UBE2E2: variants seen among roughly 807,000 people sequenced by gnomAD.
The protein encoded by UBE2E2 is ubiquitin conjugating enzyme E2 E2.
Under a neutral mutation model 24.7 loss-of-function variants are expected in UBE2E2, and 6 were observed. The observed-to-expected ratio is 0.24, with a 90% CI of 0.13 to 0.48. UBE2E2 has a LOEUF of 0.48. Ranked by LOEUF, UBE2E2 falls within the 20% of genes least tolerant of loss-of-function variation. The probability of loss-of-function intolerance (pLI) is 0.99; values close to 1 mark genes in which losing one functional copy is unlikely to be tolerated. For synonymous variants in UBE2E2, 104 were observed against 83.6 expected (o/e 1.24, Z -1.33); for missense variants, 169 against 245.0 (o/e 0.69, Z 2.07).
At chr3:23,357,413 G>C (rs556640489) in intron 3 of UBE2E2, among the ~76,000 whole-genome samples, 1 of 152,250 alleles carries the variant, frequency 6.6e-6, no homozygotes, top group Non-Finnish European at 1.5e-5. Context: ...GTGTGTGTGA[G>C]TGTGTATATG....
chr3:23,436,224 C>T (rs1191747993), intron 3 of UBE2E2, among the ~76,000 whole-genome samples: 2 of 151,998 alleles, frequency 1.3e-5, no homozygotes, highest in Admixed American at 6.6e-5. Flanking sequence ...GGTGTCAAAG[C>T]GGCACATGAT....
chr3:23,560,637 G>C (rs1246718272), intron 5 of UBE2E2, among the ~76,000 whole-genome samples: 1 of 151,934 alleles, frequency 6.6e-6, no homozygotes, highest in African/African-American at 2.4e-5. Context: ...TTGAGGAATC[G>C]CCACACTGAC....
intron 3 of UBE2E2, among the ~76,000 whole-genome samples, chr3:23,408,017 A>G (rs1048928613): frequency 3.3e-5 from 5 of 152,118 alleles, no homozygotes; most frequent in Non-Finnish European, 7.4e-5. Flanking sequence ...TAAAAAATAC[A>G]ATGTCACTGA....
At chr3:23,365,507 C>G (rs894943043) in intron 3 of UBE2E2, among the ~76,000 whole-genome samples, 1 of 152,108 alleles carries the variant, frequency 6.6e-6, no homozygotes, top group Non-Finnish European at 1.5e-5. Context: ...AGAACACAAT[C>G]GCATTCACAA....
chr3:23,221,068 C>T (rs2201484), intron 3 of UBE2E2, among the ~76,000 whole-genome samples: 23,919 of 152,086 alleles, frequency 0.16, 2,001 homozygotes, highest in South Asian at 0.22. Context: ...ATTAGGTTTA[C>T]GAGCAGGGGA....
At chr3:23,268,392 A>G (rs1698119552) in intron 3 of UBE2E2, among the ~76,000 whole-genome samples, 1 of 152,072 alleles carries the variant, frequency 6.6e-6, no homozygotes, top group Non-Finnish European at 1.5e-5. Flanking sequence ...AAAAATCACA[A>G]GCATTCTTAT....
rs941176886 is a variant in UBE2E2 at position 23,372,037 on chromosome 3, G to A, written c.228-127571G>A. ...GGAGGCTGAGGCAGGAGAATCGCTT[G>A]AACCCTGGAAATGGAGGTTGCAGTG... is the stretch of plus-strand genomic sequence containing the variant. On this transcript the variant is annotated intron_variant, in intron 3 of 5. Transcript: ENST00000396703. 2.6e-5 allele frequency among the ~76,000 whole-genome samples: 4 copies of A among 152,186 alleles called. No individual in the cohort carries two copies. In the East Asian group the frequency reaches 7.7e-4, roughly 29 times the overall value.
chr3:23,360,015 G>T (rs536135927), intron 3 of UBE2E2, among the ~76,000 whole-genome samples: 3 of 152,102 alleles, frequency 2.0e-5, no homozygotes, highest in Non-Finnish European at 2.9e-5. Context: ...CAGTGTTCAG[G>T]TTAGTGGTTT....
At chr3:23,225,309 TAA>T (rs1696788947) in intron 3 of UBE2E2, among the ~76,000 whole-genome samples, 1 of 152,136 alleles carries the variant, frequency 6.6e-6, no homozygotes, top group Non-Finnish European at 1.5e-5. Context: ...TTGTGAAGTC[TAA>T]ATATCTGTTT....
chr3:23,273,963 C>T (rs999137944), intron 3 of UBE2E2: 14 of 152,282 alleles, frequency 9.2e-5, no homozygotes, highest in Middle Eastern at 3.4e-3. Flanking sequence ...TGTTAACAAA[C>T]TTGATTCTTC....
chr3:23,431,842 A>C (rs1264732777), intron 3 of UBE2E2, among the ~76,000 whole-genome samples: 1 of 152,210 alleles, frequency 6.6e-6, no homozygotes, highest in African/African-American at 2.4e-5. Flanking sequence ...TAGGGGTTAA[A>C]ATTAATTCAA....
At chr3:23,229,721 G>A (rs1696923943) in intron 3 of UBE2E2, among the ~76,000 whole-genome samples, 1 of 152,194 alleles carries the variant, frequency 6.6e-6, no homozygotes, top group Admixed American at 6.5e-5. Context: ...CACTGTCCCA[G>A]TAGGACTTTC....
chr3:23,315,574 G>A lies in UBE2E2; in HGVS notation c.227+98262G>A, dbSNP rs148009020. 7.2e-5 allele frequency among the ~76,000 whole-genome samples: 11 copies of A among 152,102 alleles called. No individual in the cohort carries two copies. The East Asian group carries it at 1.4e-3, about 19-fold the overall frequency. On this transcript the variant is annotated intron_variant, in intron 3 of 5. Coordinates refer to ENST00000396703, the MANE Select transcript of UBE2E2 (RefSeq NM_152653.4). ...AATTTTAAATTCTTTTGTATGAATC[G>A]TTGCATAACTCTGCCTCTCCGAGAT...
intron 3 of UBE2E2, among the ~76,000 whole-genome samples, chr3:23,312,535 C>T (rs1694439722): frequency 6.6e-6 from 1 of 152,068 alleles, no homozygotes; most frequent in Admixed American, 6.5e-5. Flanking sequence ...CTACCCTTCC[C>T]AGCCTCTGGT....
chr3:23,421,673 T>G (rs925845832), intron 3 of UBE2E2, among the ~76,000 whole-genome samples: 1 of 152,218 alleles, frequency 6.6e-6, no homozygotes, highest in Non-Finnish European at 1.5e-5. Context: ...CTCAAAGTGC[T>G]GGGATTACAG....
chr3:23,358,495 C>G (rs757584651), intron 3 of UBE2E2, among the ~76,000 whole-genome samples: 1 of 152,082 alleles, frequency 6.6e-6, no homozygotes, highest in African/African-American at 2.4e-5. Context: ...AAATTAGTTT[C>G]TAACAGCTGC....
At chr3:23,458,215 T>C (rs542241594) in intron 3 of UBE2E2, among the ~76,000 whole-genome samples, 3 of 152,080 alleles carry the variant, frequency 2.0e-5, no homozygotes, top group South Asian at 4.2e-4. Flanking sequence ...ATTTCAGTAT[T>C]GTTGCGTCGC....
intron 3 of UBE2E2, among the ~76,000 whole-genome samples, chr3:23,217,570 G>A (rs1696511671): frequency 6.6e-6 from 1 of 151,964 alleles, no homozygotes; most frequent in Non-Finnish European, 1.5e-5. Context: ...TGAAATTATA[G>A]GGTAACAAAT....
At chr3:23,371,683 G>A (rs1176288439) in intron 3 of UBE2E2, among the ~76,000 whole-genome samples, 1 of 152,178 alleles carries the variant, frequency 6.6e-6, no homozygotes, top group African/African-American at 2.4e-5. Context: ...AAAATTTGAA[G>A]TTAATTGAGA....
Sources: gnomAD v4.1 joint callset for allele counts (sites outside exome capture counted in the v4.1 genomes callset) on GRCh38, gnomAD v4.1.1 for gene constraint, MANE v1.5 for transcripts, NCBI Gene and HGNC (gene_info 2026-07-23, HGNC 2026-07-21) for gene names.